EXPH5: variants seen among roughly 807,000 people sequenced by gnomAD.
EXPH5 encodes the protein exophilin 5, also known as exophilin-5.
In EXPH5, 42 loss-of-function variants were observed where a neutral mutation model predicts 41.1. That is an observed-to-expected ratio of 1.02 (90% CI 0.80 to 1.32). EXPH5 has a LOEUF of 1.32. Among genes scored for constraint, EXPH5 ranks in the 40% most tolerant of loss-of-function variants. The pLI is 0.00. For missense variants in EXPH5, 2,298 were observed against 2,314.5 expected (o/e 0.99, Z 0.15); for synonymous variants, 798 against 833.5 (o/e 0.96, Z 0.73).
chr11:108,546,275 A>G (rs1221496243), intron 1 of EXPH5, among the ~76,000 whole-genome samples: 1 of 152,114 alleles, frequency 6.6e-6, no homozygotes, highest in South Asian at 2.1e-4. Context: ...CAGCAGGGAT[A>G]AGACCCGTTG....
chr11:108,529,529 G>A (rs527358499), intron 3 of EXPH5, among the ~76,000 whole-genome samples: 1 of 152,056 alleles, frequency 6.6e-6, no homozygotes, highest in Non-Finnish European at 1.5e-5. Flanking sequence ...TCATGCCAAG[G>A]GGTTCTCTGT....
rs200885088 is a variant in EXPH5, at chr11:108,512,686, C to T, written c.2821G>A (p.Glu941Lys). ...GGACTATCATTTCTCTCTTGGTTTT[C>T]TGAGTGGCTTACAATAAACTGATTC... ...QKNQFIVSHS[E>K]NQERNDSPVP... is the part of the protein sequence containing the mutation. The change falls in exon 6 of 6, where the codon GAA becomes AAA. Residue 941 changes from glutamate (E) to lysine (K), a missense_variant. Coordinates refer to ENST00000265843, the MANE Select transcript of EXPH5 (RefSeq NM_015065.3). 2.8e-5 allele frequency: 46 copies of T among 1,614,098 alleles called. No individual in the cohort carries two copies. In the Middle Eastern group the frequency reaches 4.9e-4, roughly 17 times the overall value.
At chr11:108,532,445 G>A (rs113512993) in intron 3 of EXPH5, among the ~76,000 whole-genome samples, 70 of 130,858 alleles carry the variant, frequency 5.3e-4, no homozygotes, top group South Asian at 1.3e-3. Flanking sequence ...GAACTCCTGC[G>A]CTCAAGTGAT....
Position 108,532,151 on chromosome 11 carries a change from A to G in EXPH5, c.444-3967T>C, listed in dbSNP as rs1001752624. Among the ~76,000 whole-genome samples the G allele has an allele frequency of 3.9e-4, 59 of 150,078 alleles. 3 individuals are homozygous for G. The highest frequency in any genetic ancestry group is 9.7e-4 in the East Asian group (5 of 5,156). On this transcript the variant is annotated intron_variant, in intron 3 of 5. Transcript: ENST00000265843. ...TAGTTCCTACATACTTTCCAGCCTCATAAGTCCTAGATCCCTTCTGCCATA... is the reference window on the plus strand; with the variant it reads ...TAGTTCCTACATACTTTCCAGCCTCGTAAGTCCTAGATCCCTTCTGCCATA...
intron 1 of EXPH5, among the ~76,000 whole-genome samples, chr11:108,579,246 C>G (rs74826837): frequency 6.7e-6 from 1 of 149,696 alleles, no homozygotes; most frequent in African/African-American, 2.5e-5. Context: ...TTAATGAATG[C>G]TTTTTTGACA....
intron 1 of EXPH5, among the ~76,000 whole-genome samples, chr11:108,557,452 T>C (rs2093994907): frequency 6.6e-6 from 1 of 152,240 alleles, no homozygotes; most frequent in Non-Finnish European, 1.5e-5. Context: ...CAGGGAATTC[T>C]CGTGTCTCAG....
Position 108,513,601 on chromosome 11 carries a change from C to T in EXPH5, c.1906G>A (p.Asp636Asn). 3 of 1,613,306 alleles carry T rather than the reference C, an allele frequency of 1.9e-6. No individual in the cohort carries two copies. The highest frequency in any genetic ancestry group is 2.5e-6 in the Non-Finnish European group (3 of 1,179,762). ...SFKTSFSQIS[D>N]DRRNPQSPNL... ...GGACTCTGAGGATTCCTTCTGTCATCAGAAATCTGGGAAAAGGAAGTTTTG... is the reference window on the plus strand; with the variant it reads ...GGACTCTGAGGATTCCTTCTGTCATTAGAAATCTGGGAAAAGGAAGTTTTG... The change falls in exon 6 of 6, where the codon GAT becomes AAT. Residue 636 changes from aspartate (D) to asparagine (N), a missense_variant. By Grantham distance (23) the Asp-to-Asn change is conservative. Transcript: ENST00000265843.
At chr11:108,521,394 A>G (rs2093763967) in intron 4 of EXPH5, among the ~76,000 whole-genome samples, 1 of 152,100 alleles carries the variant, frequency 6.6e-6, no homozygotes, top group Admixed American at 6.6e-5. Flanking sequence ...CCCAAATTTC[A>G]TTGACCTATG....
intron 1 of EXPH5, among the ~76,000 whole-genome samples, chr11:108,566,261 G>A (rs1309576278): frequency 1.3e-5 from 2 of 152,164 alleles, no homozygotes; most frequent in Admixed American, 6.5e-5. Context: ...CTCCACTAAG[G>A]CTGGGTCTGA....
intron 4 of EXPH5, among the ~76,000 whole-genome samples, chr11:108,524,324 A>C (rs1315792644): frequency 6.6e-6 from 1 of 152,236 alleles, no homozygotes; most frequent in Non-Finnish European, 1.5e-5. Flanking sequence ...AATTAGGTGA[A>C]TTAATATTAA....
intron 4 of EXPH5, among the ~76,000 whole-genome samples, chr11:108,520,977 C>A (rs1025306955): frequency 6.6e-6 from 1 of 152,178 alleles, no homozygotes; most frequent in Non-Finnish European, 1.5e-5. Flanking sequence ...CATTATCCAC[C>A]CCATGCCTTC....
intron 1 of EXPH5, among the ~76,000 whole-genome samples, chr11:108,545,568 A>C (rs2093934252): frequency 6.6e-6 from 1 of 152,076 alleles, no homozygotes; most frequent in African/African-American, 2.4e-5. Flanking sequence ...ATGGGATTTA[A>C]ATTCTGCTGG....
chr11:108,510,663 T>A lies in EXPH5; in HGVS notation c.4844A>T (p.His1615Leu), dbSNP rs748347166. 30 of 1,614,080 alleles carry A rather than the reference T, an allele frequency of 1.9e-5. No individual in the cohort carries two copies. Among genetic ancestry groups the A allele is most frequent in the Non-Finnish European group, 2.5e-5 (29 of 1,180,038 alleles). ...ACTTTGGGGGAAGATAGTAGCTACA[T>A]GTCTTCTGGGGCTTACATCTTTAGC... is the stretch of plus-strand genomic sequence containing the variant. ...FPAKDVSPRR[H>L]VATIFPQSGS... Residue 1615 changes from histidine (H) to leucine (L), a missense_variant, in exon 6 of 6, where the codon CAT becomes CTT. His to Leu is a moderately conservative substitution (Grantham distance 99). Coordinates refer to ENST00000265843, the MANE Select transcript of EXPH5 (RefSeq NM_015065.3).
intron 1 of EXPH5, among the ~76,000 whole-genome samples, chr11:108,593,088 C>T (rs2094131692): frequency 6.6e-6 from 1 of 152,240 alleles, no homozygotes; most frequent in African/African-American, 2.4e-5. Context: ...CTGAAACGGC[C>T]CACGCCCCGC....
chr11:108,598,598 G>A (rs565264825), upstream of EXPH5, among the ~76,000 whole-genome samples: 10 of 152,236 alleles, frequency 6.6e-5, no homozygotes, highest in African/African-American at 9.6e-5. Flanking sequence ...GGGTAGTTGG[G>A]AAGGGTACCC....
At position 108,568,387 on chromosome 11, in the gene EXPH5, C is replaced by T. The variant is rs1041615328; in HGVS notation, c.119+25031G>A. Among the ~76,000 whole-genome samples, 4 of 152,088 alleles carry T rather than the reference C, an allele frequency of 2.6e-5. No individual in the cohort carries two copies. The East Asian group carries it at 5.8e-4, about 22-fold the overall frequency. On this transcript the variant is annotated intron_variant, in intron 1 of 5. Transcript: ENST00000265843. ...TTCCTGAGAACCAATCGGTTCCCCC[C>T]TCTACTGTCAGGTGGCTGCTCTCAG...
intron 1 of EXPH5, among the ~76,000 whole-genome samples, chr11:108,580,654 C>A (rs1204937337): frequency 6.6e-6 from 1 of 152,028 alleles, no homozygotes; most frequent in Admixed American, 6.6e-5. Flanking sequence ...TAGAATCAAC[C>A]TAGGTATCCA....
At position 108,514,113 on chromosome 11, in the gene EXPH5, G is replaced by C. The variant is rs1482882955; in HGVS notation, c.1394C>G (p.Thr465Ser). Residue 465 changes from threonine (T) to serine (S), a missense_variant, in exon 6 of 6, where the codon ACC (threonine) becomes AGC (serine). Coordinates refer to ENST00000265843, the MANE Select transcript of EXPH5 (RefSeq NM_015065.3). ...NTFTRSFFSNTFGRSGEQRRF... is the reference protein window; with the variant it reads ...NTFTRSFFSNSFGRSGEQRRF... ...CCTCTGTTCTCCGCTTCGTCCAAAG[G>C]TATTGCTGAAGAAAGATCTGGTAAA... is the stretch of plus-strand genomic sequence containing the variant. 6.2e-7 allele frequency: 1 copy of C among 1,613,620 alleles called. No individual in the cohort carries two copies. The highest frequency in any genetic ancestry group is 8.5e-7 in the Non-Finnish European group (1 of 1,179,862).
intron 3 of EXPH5, among the ~76,000 whole-genome samples, chr11:108,535,568 G>A (rs1400488701): frequency 6.6e-6 from 1 of 152,182 alleles, no homozygotes; most frequent in Non-Finnish European, 1.5e-5. Context: ...AGGGAGGCAG[G>A]TGGAGAGAAG....
Sources: allele counts gnomAD v4.1 joint callset (sites outside exome capture counted in the v4.1 genomes callset), GRCh38; gene constraint gnomAD v4.1.1; transcripts MANE v1.5; gene names NCBI Gene and HGNC (gene_info 2026-07-23, HGNC 2026-07-21).